Variants in ANAPC10 observed in about 807,000 individuals in gnomAD.
ANAPC10 encodes anaphase promoting complex subunit 10, also known as anaphase-promoting complex subunit 10.
A neutral mutation model predicts 22.0 loss-of-function variants in ANAPC10; 12 were observed. The observed-to-expected ratio is 0.55, with a 90% CI of 0.35 to 0.88. The LOEUF (loss-of-function observed/expected upper bound fraction) is 0.88, where lower values mean the gene tolerates loss of function less well. Ranked by LOEUF, ANAPC10 falls within the 40% of genes least tolerant of loss-of-function variation. The probability of loss-of-function intolerance (pLI) is 0.01; values close to 1 mark genes in which losing one functional copy is unlikely to be tolerated. For missense variants in ANAPC10, 188 were observed against 220.9 expected, an observed-to-expected ratio of 0.85 and a Z score of 0.94; for synonymous variants, 65 against 69.5, an observed-to-expected ratio of 0.94 and a Z score of 0.32.
At chr4:145,044,646 C>A (rs1740023235) in intron 4 of ANAPC10, among the ~76,000 whole-genome samples, 1 of 152,064 alleles carries the variant, frequency 6.6e-6, no homozygotes, top group South Asian at 2.1e-4. Flanking sequence ...GTCAATTAGT[C>A]TTGTGAACTA....
chr4:145,081,853 A>G (rs1746069754), intron 2 of ANAPC10, 103 bp from the exon 3 acceptor site: 2 of 805,380 alleles, frequency 2.5e-6, no homozygotes, highest in Admixed American at 4.8e-5. Flanking sequence ...TTTGATAAAC[A>G]GAAAGGTCAG....
intron 3 of ANAPC10, among the ~76,000 whole-genome samples, chr4:145,076,670 CA>C (rs1745245306): frequency 6.6e-6 from 1 of 152,148 alleles, no homozygotes; most frequent in Admixed American, 6.5e-5. Flanking sequence ...CATTAAGATG[CA>C]GATGGAAGTT....
intron 4 of ANAPC10, among the ~76,000 whole-genome samples, chr4:145,004,954 GAT>G (rs1733123860): frequency 6.6e-6 from 1 of 152,092 alleles, no homozygotes; most frequent in Non-Finnish European, 1.5e-5. Flanking sequence ...TTTGGCTATG[GAT>G]ATGTGTGGTT....
intron 4 of ANAPC10, among the ~76,000 whole-genome samples, chr4:145,045,615 T>G (rs1409590851): frequency 6.6e-6 from 1 of 152,100 alleles, no homozygotes; most frequent in Non-Finnish European, 1.5e-5. Flanking sequence ...AATACTCCAC[T>G]TTTTTTCATA....
At chr4:145,036,493 G>GC (rs759162554) in intron 4 of ANAPC10, among the ~76,000 whole-genome samples, 32 of 152,108 alleles carry the variant, frequency 2.1e-4, no homozygotes, top group Non-Finnish European at 1.0e-4. Flanking sequence ...TATGATTGTT[G>GC]CAAGTGCTAC....
At chr4:145,022,520 G>A (rs1284334190) in intron 4 of ANAPC10, among the ~76,000 whole-genome samples, 3 of 151,936 alleles carry the variant, frequency 2.0e-5, no homozygotes, top group Non-Finnish European at 2.9e-5. Context: ...GGGGGAAAGT[G>A]GGGGGTGAGG....
At chr4:145,096,229 G>T in intron 1 of ANAPC10, 118 bp from the exon 2 acceptor site, 1 of 1,042,528 alleles carries the variant, frequency 9.6e-7, no homozygotes. Context: ...CATTTATTCT[G>T]AAGAATGCAG....
intron 4 of ANAPC10, among the ~76,000 whole-genome samples, chr4:145,016,096 C>A (rs538033630): frequency 6.6e-5 from 10 of 152,256 alleles, no homozygotes; most frequent in African/African-American, 2.2e-4. Context: ...TCCTATTCAA[C>A]ATAGTGTTGG....
intron 3 of ANAPC10, 80 bp downstream of exon 3, chr4:145,081,580 C>CT: frequency 1.1e-6 from 1 of 911,700 alleles, no homozygotes; most frequent in Non-Finnish European, 1.7e-6. Flanking sequence ...TAATTTCTAT[C>CT]TTTAATTTTT....
chr4:145,038,769 C>T (rs1334388618), intron 4 of ANAPC10, among the ~76,000 whole-genome samples: 1 of 146,332 alleles, frequency 6.8e-6, no homozygotes, highest in Non-Finnish European at 1.5e-5. Flanking sequence ...TTGCAGTGAG[C>T]CAAGATCGCA....
Position 145,052,842 on chromosome 4 carries a change from T to A in ANAPC10, c.327+11730A>T, listed in dbSNP as rs185238469. Among the ~76,000 whole-genome samples the A allele has an allele frequency of 4.1e-4, 62 of 149,498 alleles. 1 individual carries two copies. In the East Asian group the frequency reaches 0.01, roughly 25 times the overall value. On this transcript the variant is annotated intron_variant, in intron 4 of 4. Coordinates refer to ENST00000507656, the MANE Select transcript of ANAPC10 (RefSeq NM_001256706.2). ...GGCGAAGGTTGCAGTGAGCCGAGAT[T>A]GCACCACTGCACTCCTGCCTGGGCA...
chr4:145,085,510 CAA>C (rs1173252384), intron 2 of ANAPC10, among the ~76,000 whole-genome samples: 1 of 149,210 alleles, frequency 6.7e-6, no homozygotes, highest in Non-Finnish European at 1.5e-5. Context: ...TGTATGTGCT[CAA>C]AGAGGTTCAA....
intron 2 of ANAPC10, among the ~76,000 whole-genome samples, chr4:145,082,267 A>G (rs1290492228): frequency 6.6e-6 from 1 of 152,222 alleles, no homozygotes; most frequent in Non-Finnish European, 1.5e-5. Flanking sequence ...CTCCTGCCTC[A>G]GCCTCCCAAG....
rs150089521 is a variant in ANAPC10 at position 145,060,826 on chromosome 4, C to G, written c.327+3746G>C. Among the ~76,000 whole-genome samples the G allele has an allele frequency of 5.1e-4, 77 of 151,554 alleles. 2 individuals are homozygous for G. The East Asian group carries it at 0.012, about 23-fold the overall frequency. On this transcript the variant is annotated intron_variant, in intron 4 of 4. Transcript: ENST00000507656. ...ATATTTAGATATTGTGGTAGAATAA[C>G]AGAAAAAATAAAATCATGATCTGCT...
chr4:145,088,291 AT>A (rs1747182512), intron 2 of ANAPC10, among the ~76,000 whole-genome samples: 1 of 152,160 alleles, frequency 6.6e-6, no homozygotes, highest in African/African-American at 2.4e-5. Context: ...TTCCCTTAGA[AT>A]ATCATTGGCA....
intron 2 of ANAPC10, among the ~76,000 whole-genome samples, chr4:145,093,441 A>AT (rs915855367): frequency 6.6e-6 from 1 of 152,032 alleles, no homozygotes; most frequent in African/African-American, 2.4e-5. Flanking sequence ...TTGGCACTCA[A>AT]TAAAAAAAAA....
intron 4 of ANAPC10, among the ~76,000 whole-genome samples, chr4:145,008,787 G>A (rs1733829683): frequency 6.6e-6 from 1 of 152,168 alleles, no homozygotes; most frequent in Non-Finnish European, 1.5e-5. Flanking sequence ...ACGAGACAGG[G>A]ATGCCCTCTC....
At chr4:145,068,866 C>T (rs1036652167) in intron 3 of ANAPC10, among the ~76,000 whole-genome samples, 8 of 152,116 alleles carry the variant, frequency 5.3e-5, no homozygotes, top group South Asian at 2.1e-4. Context: ...GCCAAGATTG[C>T]GCTACTGTAC....
At chr4:145,008,828 G>T (rs1304664388) in intron 4 of ANAPC10, among the ~76,000 whole-genome samples, 1 of 152,174 alleles carries the variant, frequency 6.6e-6, no homozygotes, top group African/African-American at 2.4e-5. Context: ...AGTGTTGGAA[G>T]TTCTGGCCAG....
Sources: allele counts gnomAD v4.1 joint callset (sites outside exome capture counted in the v4.1 genomes callset), GRCh38; gene constraint gnomAD v4.1.1; transcripts MANE v1.5; gene names NCBI Gene and HGNC (gene_info 2026-07-23, HGNC 2026-07-21).